ATG10: variants seen among roughly 807,000 people sequenced by gnomAD.
The protein encoded by ATG10 is ubiquitin-like-conjugating enzyme ATG10.
In ATG10, 30 loss-of-function variants were observed where a neutral mutation model predicts 32.1. That is an observed-to-expected ratio of 0.94 (90% CI 0.70 to 1.27). The LOEUF (loss-of-function observed/expected upper bound fraction) is 1.27. Ranked by LOEUF, ATG10 falls within the 50% of genes most tolerant of loss-of-function variation. ATG10 has a pLI of 0.00. For missense variants in ATG10, 233 were observed against 262.3 expected (o/e 0.89, Z 0.77); for synonymous variants, 87 against 91.5 (o/e 0.95, Z 0.28).
chr5:82,124,447 A>G (rs1165675040), intron 3 of ATG10, among the ~76,000 whole-genome samples: 1 of 150,276 alleles, frequency 6.7e-6, no homozygotes, highest in Admixed American at 6.6e-5. Flanking sequence ...TATCCCTCCC[A>G]TTGTCCCCCA....
chr5:81,999,190 C>T (rs1458555979), intron 2 of ATG10, among the ~76,000 whole-genome samples: 1 of 148,614 alleles, frequency 6.7e-6, no homozygotes, highest in Non-Finnish European at 1.5e-5. Context: ...ACCAACCACA[C>T]TCTTAGACTA....
chr5:82,211,402 TG>T (rs572689086), intron 5 of ATG10, among the ~76,000 whole-genome samples: 84 of 152,300 alleles, frequency 5.5e-4, no homozygotes, highest in Middle Eastern at 6.8e-3. Context: ...CCTACACGCC[TG>T]GGTACTTATA....
chr5:82,251,329 G>T (rs1161596329), intron 5 of ATG10, among the ~76,000 whole-genome samples: 1 of 152,204 alleles, frequency 6.6e-6, no homozygotes, highest in African/African-American at 2.4e-5. Context: ...TTGGCTGAGA[G>T]AAGAAGCCAA....
chr5:82,240,507 G>T (rs1446521460), intron 5 of ATG10, among the ~76,000 whole-genome samples: 1 of 152,156 alleles, frequency 6.6e-6, no homozygotes, highest in Non-Finnish European at 1.5e-5. Flanking sequence ...GTTACTAGAG[G>T]CTGGGAAGGA....
chr5:81,974,833 A>G (rs73766479), intron 1 of ATG10, among the ~76,000 whole-genome samples: 11,057 of 152,122 alleles, frequency 0.073, 1,306 homozygotes, highest in African/African-American at 0.25. Flanking sequence ...CAGATTCTCA[A>G]TATCCCTCAA....
chr5:82,139,980 A>T (rs1183349728), intron 3 of ATG10, among the ~76,000 whole-genome samples: 1 of 118,474 alleles, frequency 8.4e-6, no homozygotes, highest in Non-Finnish European at 1.8e-5. Context: ...CCCGTCAGGG[A>T]GGTGAGGGGC....
At chr5:82,030,801 T>C (rs1421036974) in intron 2 of ATG10, among the ~76,000 whole-genome samples, 1 of 152,208 alleles carries the variant, frequency 6.6e-6, no homozygotes, top group Admixed American at 6.5e-5. Flanking sequence ...TTGAACTTGA[T>C]AGCATCTGTA....
In ATG10 at chr5:82,204,928, G is replaced by T. The variant is rs527682281; in HGVS notation, c.453+26341G>T. ...AATGGTAATTGAAGCCATGAGAATA[G>T]ATAAGGTCTCTAGGCAGATGTAAAA... On this transcript the variant is annotated intron_variant, in intron 5 of 7. Transcript: ENST00000282185. Among the ~76,000 whole-genome samples, 4 of 152,316 alleles carry T rather than the reference G, an allele frequency of 2.6e-5. No individual in the cohort carries two copies. The East Asian group carries it at 7.7e-4, about 29-fold the overall frequency.
At chr5:82,062,609 A>G (rs933738908) in intron 3 of ATG10, among the ~76,000 whole-genome samples, 1 of 152,206 alleles carries the variant, frequency 6.6e-6, no homozygotes, top group Non-Finnish European at 1.5e-5. Flanking sequence ...ATAATTATGC[A>G]AGAAGAAGCA....
At chr5:82,234,017 G>A (rs1469366131) in intron 5 of ATG10, among the ~76,000 whole-genome samples, 1 of 152,150 alleles carries the variant, frequency 6.6e-6, no homozygotes, top group Non-Finnish European at 1.5e-5. Flanking sequence ...AGGGATTTGG[G>A]CTTCCAGGGG....
chr5:82,192,220 G>T (rs1025343287), intron 5 of ATG10, among the ~76,000 whole-genome samples: 5 of 152,136 alleles, frequency 3.3e-5, no homozygotes, highest in Non-Finnish European at 7.3e-5. Context: ...CACTGGAGTG[G>T]GGATGTGATT....
At chr5:82,074,694 C>T (rs1443436449) in intron 3 of ATG10, among the ~76,000 whole-genome samples, 1 of 152,100 alleles carries the variant, frequency 6.6e-6, no homozygotes, top group Non-Finnish European at 1.5e-5. Context: ...TCTGGTTGCT[C>T]CAAAATGATT....
intron 3 of ATG10, among the ~76,000 whole-genome samples, chr5:82,104,475 GTTA>G (rs1367992254): frequency 2.6e-5 from 4 of 151,658 alleles, no homozygotes; most frequent in Non-Finnish European, 4.4e-5. Flanking sequence ...GCAATTATAA[GTTA>G]TTAATATAAA....
At chr5:82,114,490 T>A (rs1280357503) in intron 3 of ATG10, among the ~76,000 whole-genome samples, 1 of 152,124 alleles carries the variant, frequency 6.6e-6, no homozygotes, top group African/African-American at 2.4e-5. Context: ...TTTTTCCTAG[T>A]GTTCATTGTA....
chr5:82,214,459 T>G (rs1204788704), intron 5 of ATG10, among the ~76,000 whole-genome samples: 2 of 152,242 alleles, frequency 1.3e-5, no homozygotes, highest in Admixed American at 6.5e-5. Flanking sequence ...GCAGTTGCAT[T>G]GTTGTTGCAA....
intron 7 of ATG10, 83 bp downstream of exon 7, chr5:82,253,512 A>G: frequency 1.0e-6 from 1 of 967,540 alleles, no homozygotes; most frequent in Non-Finnish European, 1.6e-6. Context: ...CACCAAATGC[A>G]AAATTTGCTT....
chr5:82,213,237 C>T (rs1745559344), intron 5 of ATG10, among the ~76,000 whole-genome samples: 1 of 152,344 alleles, frequency 6.6e-6, no homozygotes, highest in Admixed American at 6.5e-5. Flanking sequence ...ACGAATTTCT[C>T]TCTTAAATTT....
intron 5 of ATG10, among the ~76,000 whole-genome samples, chr5:82,240,127 T>A (rs910490730): frequency 1.3e-5 from 2 of 152,070 alleles, no homozygotes; most frequent in African/African-American, 4.8e-5. Context: ...CTAAAAAAAC[T>A]AAAAATAGAA....
At chr5:82,077,243 G>C (rs1764307739) in intron 3 of ATG10, among the ~76,000 whole-genome samples, 1 of 152,048 alleles carries the variant, frequency 6.6e-6, no homozygotes, top group African/African-American at 2.4e-5. Flanking sequence ...GGATCACTTG[G>C]ATCCAGGAGG....
Sources: gnomAD v4.1 joint callset for allele counts (sites outside exome capture counted in the v4.1 genomes callset) on GRCh38, gnomAD v4.1.1 for gene constraint, MANE v1.5 for transcripts, NCBI Gene and HGNC (gene_info 2026-07-23, HGNC 2026-07-21) for gene names.